The following ANKRD26 variants were observed in gnomAD, a reference collection of about 807,000 sequenced individuals.
ANKRD26 encodes ankyrin repeat domain-containing protein 26.
A neutral mutation model predicts 208.7 loss-of-function variants in ANKRD26; 141 were observed. That is an observed-to-expected ratio of 0.68 (90% CI 0.59 to 0.78). ANKRD26 has a LOEUF of 0.78. ANKRD26 is among the 30% of genes least tolerant of loss of function. The pLI is 0.00. For synonymous variants in ANKRD26, 636 were observed against 660.4 expected (o/e 0.96, Z 0.57); for missense variants, 1,889 against 1,938.7 (o/e 0.97, Z 0.48).
chr10:27,060,266 G>C, intron 15 of ANKRD26, 79 bp downstream of exon 15: 2 of 1,316,754 alleles, frequency 1.5e-6, no homozygotes, highest in Non-Finnish European at 1.1e-6. Context: ...TTAGGAATAA[G>C]AAAACTGTGA....
In ANKRD26 at chr10:27,014,526, T is replaced by G; in HGVS notation, c.4692A>C (p.Lys1564Asn). 1 of 1,590,014 alleles carries G rather than the reference T, an allele frequency of 6.3e-7. No individual in the cohort carries two copies. ...GTTTACTTGACAAAGATTTTCTAAC[T>G]TTTAATTCTTCTAGATAGAGTTGCT... ...KYKQLYLEEL[K>N]VRKSLSSKLT... is the part of the protein sequence containing the mutation. Residue 1564 changes from lysine (K) to asparagine (N), a missense_variant, in exon 31 of 34, where the codon AAA becomes AAC. This residue lies in a region of ANKRD26 where 613 missense variants were observed against 648.2 expected (regional missense o/e 0.95). Coordinates refer to ENST00000376087, the MANE Select transcript of ANKRD26 (RefSeq NM_014915.3).
intron 5 of ANKRD26, chr10:26,994,996 C>G: frequency 2.1e-6 from 1 of 467,438 alleles, no homozygotes; most frequent in Non-Finnish European, 4.4e-6. Context: ...ATATCCTGCT[C>G]TAACATTTCC....
chr10:26,988,848 C>G (rs1366052058), downstream of ANKRD26, among the ~76,000 whole-genome samples: 2 of 150,206 alleles, frequency 1.3e-5, no homozygotes, highest in African/African-American at 2.5e-5. Flanking sequence ...GAGTTCAAGA[C>G]CAGCCTAGGC....
At chr10:26,961,870 G>C in the ANKRD26 span, among the ~76,000 whole-genome samples, 1 of 152,014 alleles carries the variant, frequency 6.6e-6, no homozygotes, top group Non-Finnish European at 1.5e-5. Context: ...TCTGGAACTG[G>C]AAGGCCTATG....
intron 17 of ANKRD26, among the ~76,000 whole-genome samples, chr10:27,047,829 C>A (rs940091876): frequency 6.6e-6 from 1 of 151,450 alleles, no homozygotes; most frequent in Non-Finnish European, 1.5e-5. Context: ...CTGCAACTTC[C>A]GACTCCCGGG....
chr10:27,057,338 A>C (rs1037795853), intron 15 of ANKRD26, among the ~76,000 whole-genome samples: 1 of 152,074 alleles, frequency 6.6e-6, no homozygotes. Flanking sequence ...TTACTTATTT[A>C]CTTTGATTCA....
chr10:26,983,715 T>A (rs1357697419), intron 3 of ANKRD26, among the ~76,000 whole-genome samples: 2 of 152,224 alleles, frequency 1.3e-5, no homozygotes, highest in African/African-American at 4.8e-5. Context: ...CTCTTTTCAC[T>A]GGATGGGGGG....
downstream of ANKRD26, among the ~76,000 whole-genome samples, chr10:26,973,649 C>CTTTTTTTTTTTTTTTTTTTTTTTT (rs71386903): frequency 1.1e-5 from 1 of 88,428 alleles, no homozygotes; most frequent in Non-Finnish European, 2.0e-5. Flanking sequence ...TTTATTTGTC[C>CTTTTTTTTTTTTTTTTTTTTTTTT]TTTTTTTTTT....
At chr10:27,096,321 T>C (rs1358578790) in intron 1 of ANKRD26, among the ~76,000 whole-genome samples, 2 of 152,234 alleles carry the variant, frequency 1.3e-5, no homozygotes, top group African/African-American at 4.8e-5. Context: ...AATGCAAGAC[T>C]GAAATAGTTT....
chr10:27,034,905 C>T lies in ANKRD26; in HGVS notation c.3545G>A (p.Ser1182Asn), dbSNP rs1200497214. 1 of 1,613,848 alleles carries T rather than the reference C, an allele frequency of 6.2e-7. No individual in the cohort carries two copies. The highest frequency in any genetic ancestry group is 1.7e-5 in the Admixed American group (1 of 60,022). ...HAIVQKLQAESEKQSLLLEER... is the reference protein window; with the variant it reads ...HAIVQKLQAENEKQSLLLEER... ...TTCTAGCAGAAGACTTTGCTTTTCA[C>T]TCTCAGCTTGAAGTTTTTGCACAAT... is the stretch of plus-strand genomic sequence containing the variant. The change falls in exon 24 of 34, where the codon AGT becomes AAT. Residue 1182 changes from serine (S) to asparagine (N), a missense_variant. Physicochemically the swap from Ser to Asn is conservative, Grantham distance 46. Coordinates refer to ENST00000376087, the MANE Select transcript of ANKRD26 (RefSeq NM_014915.3).
intron 4 of ANKRD26, among the ~76,000 whole-genome samples, chr10:26,997,440 C>T (rs1178428964): frequency 1.3e-5 from 2 of 152,106 alleles, no homozygotes; most frequent in Non-Finnish European, 2.9e-5. Flanking sequence ...CTCAGAGCAC[C>T]CCTGGTCTTC....
rs2052207166 is a variant in ANKRD26 at position 26,975,228 on chromosome 10, CT to C, written c.*1095del. Among the ~76,000 whole-genome samples, 3 of 151,850 alleles carry C rather than the reference CT, an allele frequency of 2.0e-5. 1 individual carries two copies. ...TTGAATTTATGTCTACACACAGTTT[CT>C]TTTTTTATTACTTTTTAGAGGTAGA... On this transcript the variant is annotated 3_prime_UTR_variant and NMD_transcript_variant, in exon 6 of 6. Transcript: ENST00000674670.
chr10:26,968,660 T>C, the ANKRD26 span, among the ~76,000 whole-genome samples: 2 of 152,182 alleles, frequency 1.3e-5, no homozygotes, highest in African/African-American at 2.4e-5. Context: ...AAAGACTTAG[T>C]TGAGGAAACG....
intron 29 of ANKRD26, among the ~76,000 whole-genome samples, chr10:27,020,654 ACAC>A (rs1455385388): frequency 1.3e-5 from 2 of 152,054 alleles, no homozygotes; most frequent in African/African-American, 4.8e-5. Flanking sequence ...TCCTGTATAT[ACAC>A]CACATCTTTC....
chr10:27,099,889 C>CCAGCTAGAGTT (rs1564444299), intron 1 of ANKRD26, among the ~76,000 whole-genome samples, 196 bp downstream of exon 1: 1 of 152,040 alleles, frequency 6.6e-6, no homozygotes, highest in African/African-American at 2.4e-5. Flanking sequence ...GGATCGGAAA[C>CCAGCTAGAGTT]CAGCTAGAGT....
the ANKRD26 span, among the ~76,000 whole-genome samples, chr10:26,956,714 C>T: frequency 6.6e-6 from 1 of 152,024 alleles, no homozygotes; most frequent in Non-Finnish European, 1.5e-5. Context: ...ATATTTTGGA[C>T]CTTGATTTAT....
intron 3 of ANKRD26, among the ~76,000 whole-genome samples, chr10:26,983,281 G>A (rs1366724385): frequency 1.3e-5 from 2 of 152,164 alleles, no homozygotes; most frequent in African/African-American, 2.4e-5. Context: ...TGTGTCCAAT[G>A]AGACTGCAAA....
At chr10:26,985,706 T>G (rs943450136) in intron 3 of ANKRD26, among the ~76,000 whole-genome samples, 1 of 152,134 alleles carries the variant, frequency 6.6e-6, no homozygotes, top group African/African-American at 2.4e-5. Context: ...TTCTTGTCCA[T>G]TTTTTATGGG....
downstream of ANKRD26, among the ~76,000 whole-genome samples, chr10:26,972,133 G>A (rs1417241206): frequency 6.6e-6 from 1 of 151,836 alleles, no homozygotes; most frequent in Non-Finnish European, 1.5e-5. Context: ...TACTCGGGAG[G>A]CTGAGGCAGG....
Sources: gnomAD v4.1 joint callset for allele counts (sites outside exome capture counted in the v4.1 genomes callset) on GRCh38, gnomAD v4.1.1 for gene constraint, gnomAD v4.1.1 regional missense constraint, MANE v1.5 for transcripts, NCBI Gene and HGNC (gene_info 2026-07-23, HGNC 2026-07-21) for gene names.